ESR2: variants seen among roughly 807,000 people sequenced by gnomAD.
ESR2 encodes the protein estrogen receptor beta.
Under a neutral mutation model 49.6 loss-of-function variants are expected in ESR2, and 36 were observed. The observed-to-expected ratio is 0.73, with a 90% CI of 0.56 to 0.96. The LOEUF is 0.96. Among genes scored for constraint, ESR2 ranks in the 40% least tolerant of loss-of-function variants. ESR2 has a pLI of 0.00. For synonymous variants in ESR2, 320 were observed against 266.1 expected, an observed-to-expected ratio of 1.20 and a Z score of -1.97; for missense variants, 714 against 693.0, an observed-to-expected ratio of 1.03 and a Z score of -0.34.
intron 1 of ESR2, among the ~76,000 whole-genome samples, chr14:64,313,084 TCAAA>T (rs1198295664): frequency 1.3e-5 from 2 of 151,902 alleles, no homozygotes; most frequent in East Asian, 1.9e-4. Context: ...AAGGAAAGTG[TCAAA>T]CAAAGTAGAC....
In ESR2 at chr14:64,232,072, T is replaced by C. The variant is rs2098727761; in HGVS notation, c.*1065A>G. 1 of 152,182 alleles carries C rather than the reference T, an allele frequency of 6.6e-6. No homozygotes were observed. Among genetic ancestry groups the C allele is most frequent in the African/African-American group, 2.4e-5 (1 of 41,446 alleles). The allele number at this position is 152,182 out of a possible 1,614,324, so 9.4% of individuals were successfully genotyped here. ...GGAGAGTTCACAAACTGGGTCTTGT[T>C]CAAGGGGCGTACTCATCAAGGCTAT... is the stretch of plus-strand genomic sequence containing the variant. On this transcript the variant is annotated 3_prime_UTR_variant, in exon 9 of 9. Coordinates refer to ENST00000341099, the MANE Select transcript of ESR2 (RefSeq NM_001437.3).
intron 1 of ESR2, among the ~76,000 whole-genome samples, chr14:64,305,191 T>G (rs2077074666): frequency 1.4e-5 from 2 of 147,394 alleles, no homozygotes; most frequent in South Asian, 4.2e-4. Flanking sequence ...CTCTGGAGGC[T>G]GAGGCAGGAG....
intron 3 of ESR2, among the ~76,000 whole-genome samples, chr14:64,270,236 A>G (rs907766095): frequency 3.9e-5 from 6 of 152,242 alleles, no homozygotes; most frequent in Admixed American, 6.5e-5. Flanking sequence ...ATGAACACAT[A>G]AAGTTCAAAA....
At chr14:64,320,410 A>G (rs901008932) in intron 1 of ESR2, among the ~76,000 whole-genome samples, 1 of 152,100 alleles carries the variant, frequency 6.6e-6, no homozygotes, top group Non-Finnish European at 1.5e-5. Context: ...CAAAAAAAAA[A>G]AGTTGTGGTT....
chr14:64,242,439 AC>A lies in ESR2; in HGVS notation c.1225+7106del, dbSNP rs1567735120. Among the ~76,000 whole-genome samples, 318 of 93,552 alleles carry A rather than the reference AC, an allele frequency of 3.4e-3. 3 individuals carry two copies. The highest frequency in any genetic ancestry group is 0.022 in the African/African-American group (301 of 13,944). The allele number at this position is 93,552 out of a possible 152,430, so 61.4% of individuals were successfully genotyped here. A position where few individuals can be genotyped will look rare whatever the true frequency, so the allele number is the denominator to read the frequency against. On this transcript the variant is annotated intron_variant, in intron 7 of 8. Transcript: ENST00000341099. ...AAAACAAAAAAAACAAAACAAACAA[AC>A]AAACAAAAAAAATATATATATATAT...
chr14:64,280,759 T>C (rs1203379341), intron 2 of ESR2, among the ~76,000 whole-genome samples: 1 of 152,218 alleles, frequency 6.6e-6, no homozygotes, highest in African/African-American at 2.4e-5. Flanking sequence ...CCTGTAATCC[T>C]AGCACATTGG....
At chr14:64,259,248 T>C (rs868083450) in intron 5 of ESR2, among the ~76,000 whole-genome samples, 1 of 152,142 alleles carries the variant, frequency 6.6e-6, no homozygotes, top group Non-Finnish European at 1.5e-5. Context: ...TCAGAAGAAA[T>C]GGGCCCAGGC....
chr14:64,242,750 T>C (rs991342307), intron 7 of ESR2, among the ~76,000 whole-genome samples: 16 of 152,216 alleles, frequency 1.1e-4, no homozygotes, highest in African/African-American at 3.6e-4. Context: ...AAACATTCCA[T>C]GCTGTTCAAT....
chr14:64,280,000 A>G lies in ESR2; in HGVS notation c.516T>C (p.Phe172=). 6.2e-7 allele frequency: 1 copy of G among 1,613,850 alleles called. No homozygotes were observed. Among genetic ancestry groups the G allele is most frequent in the South Asian group, 1.1e-5 (1 of 91,074 alleles). The change falls in exon 3 of 9, where the codon TTT becomes TTC. Residue 172 remains phenylalanine, a synonymous_variant. Transcript: ENST00000341099. The stretch of plus-strand genomic sequence containing the variant: ...TTGTACCTTGAATGCTTCTTTTAAA[A>G]AAGGCCTTACATCCTTCACACGACC... ...GVWSCEGCKA[F]FKRSIQGHND...
At chr14:64,240,519 A>C (rs1160363190) in intron 7 of ESR2, among the ~76,000 whole-genome samples, 1 of 152,198 alleles carries the variant, frequency 6.6e-6, no homozygotes, top group Non-Finnish European at 1.5e-5. Context: ...TGCTTTCATT[A>C]CATTGTTTAC....
chr14:64,280,835 C>T (rs2076651609), intron 2 of ESR2, among the ~76,000 whole-genome samples: 1 of 152,124 alleles, frequency 6.6e-6, no homozygotes, highest in Admixed American at 6.5e-5. Flanking sequence ...CAAGGTGAAA[C>T]CCTATCTCTA....
intron 1 of ESR2, among the ~76,000 whole-genome samples, chr14:64,318,210 A>G (rs1283313360): frequency 6.6e-6 from 1 of 152,322 alleles, no homozygotes; most frequent in Non-Finnish European, 1.5e-5. Context: ...CCAAATATGA[A>G]CAATTAGAAA....
At chr14:64,286,883 A>G (rs970991323) in intron 1 of ESR2, among the ~76,000 whole-genome samples, 2 of 149,206 alleles carry the variant, frequency 1.3e-5, no homozygotes, top group Non-Finnish European at 3.0e-5. Flanking sequence ...GGCCAGGCTA[A>G]TTTTTGTATT....
intron 3 of ESR2, among the ~76,000 whole-genome samples, chr14:64,279,390 T>TAA (rs141837265): frequency 1.3e-4 from 19 of 149,020 alleles, no homozygotes; most frequent in African/African-American, 3.7e-4. Flanking sequence ...CAAGTTGATT[T>TAA]AAAAAAAAAA....
chr14:64,284,794 C>T (rs2076755140), intron 1 of ESR2, among the ~76,000 whole-genome samples: 1 of 152,040 alleles, frequency 6.6e-6, no homozygotes, highest in Admixed American at 6.6e-5. Flanking sequence ...TTTCCCAATG[C>T]CTTTTTTCCA....
At chr14:64,268,386 CT>C (rs1204247471) in intron 4 of ESR2, among the ~76,000 whole-genome samples, 1 of 152,182 alleles carries the variant, frequency 6.6e-6, no homozygotes, top group Non-Finnish European at 1.5e-5. Flanking sequence ...AGATATCCTA[CT>C]TTTTTGTCAC....
At chr14:64,315,243 CAAAAAAAAAAAAA>C (rs201805001) in intron 1 of ESR2, among the ~76,000 whole-genome samples, 1 of 46,826 alleles carries the variant, frequency 2.1e-5, no homozygotes, top group East Asian at 2.9e-4. Flanking sequence ...GAGTCTGTCT[CAAAAAAAAAAAAA>C]AAAAAAAAAA....
intron 1 of ESR2, among the ~76,000 whole-genome samples, chr14:64,314,745 G>C (rs1348441814): frequency 1.3e-5 from 2 of 151,106 alleles, no homozygotes; most frequent in Admixed American, 6.6e-5. Context: ...GGGCCTGGTG[G>C]TGCAAGCCTG....
chr14:64,297,186 C>T (rs2076967581), upstream of ESR2, among the ~76,000 whole-genome samples: 2 of 152,110 alleles, frequency 1.3e-5, no homozygotes, highest in African/African-American at 4.8e-5. Context: ...AAATTGTCAC[C>T]ATTAAGTCAT....
Sources: gnomAD v4.1 joint callset for allele counts (sites outside exome capture counted in the v4.1 genomes callset) on GRCh38, gnomAD v4.1.1 for gene constraint, MANE v1.5 for transcripts, NCBI Gene and HGNC (gene_info 2026-07-23, HGNC 2026-07-21) for gene names.